Variants in GRID2 observed in about 807,000 individuals in gnomAD.
GRID2 encodes glutamate receptor ionotropic, delta-2.
A neutral mutation model predicts 114.8 loss-of-function variants in GRID2; 33 were observed. The observed-to-expected ratio is 0.29, with a 90% CI of 0.22 to 0.38. The LOEUF is 0.38. GRID2 is among the 10% of genes least tolerant of loss of function. GRID2 has a pLI of 1.00. For synonymous variants in GRID2, 505 were observed against 449.9 expected, an observed-to-expected ratio of 1.12 and a Z score of -1.55; for missense variants, 1,184 against 1,257.7, an observed-to-expected ratio of 0.94 and a Z score of 0.89.
chr4:93,583,661 A>G (rs1178278321), intron 13 of GRID2, among the ~76,000 whole-genome samples: 1 of 152,148 alleles, frequency 6.6e-6, no homozygotes, highest in African/African-American at 2.4e-5. Context: ...AGGAAGTGGC[A>G]GGGGTCAGAA....
chr4:92,671,920 A>G (rs932429047), intron 2 of GRID2, among the ~76,000 whole-genome samples: 2 of 152,114 alleles, frequency 1.3e-5, no homozygotes, highest in South Asian at 2.1e-4. Flanking sequence ...CTGTCAGACC[A>G]TATGGTTTCA....
At chr4:93,413,831 C>T (rs1051395248) in intron 9 of GRID2, among the ~76,000 whole-genome samples, 1 of 152,052 alleles carries the variant, frequency 6.6e-6, no homozygotes, top group African/African-American at 2.4e-5. Context: ...TAATGCTTTC[C>T]TCCATTAAAT....
At chr4:92,487,683 G>T (rs1487947461) in intron 1 of GRID2, among the ~76,000 whole-genome samples, 1 of 151,734 alleles carries the variant, frequency 6.6e-6, no homozygotes. Context: ...ATTTTCTCTT[G>T]GTCTTTCAGT....
At chr4:92,850,186 TTATAGA>T (rs1166347609) in intron 2 of GRID2, among the ~76,000 whole-genome samples, 1 of 151,372 alleles carries the variant, frequency 6.6e-6, no homozygotes, top group East Asian at 1.9e-4. Context: ...ATTGATATGT[TTATAGA>T]TAAATACAAT....
At chr4:93,473,435 A>G (rs553117004) in intron 11 of GRID2, among the ~76,000 whole-genome samples, 3 of 152,310 alleles carry the variant, frequency 2.0e-5, no homozygotes, top group African/African-American at 7.2e-5. Context: ...GTAATAGTCA[A>G]TTAAAATAAT....
intron 2 of GRID2, among the ~76,000 whole-genome samples, chr4:92,709,589 A>AATATATATATATATAT (rs1553919235): frequency 8.7e-6 from 1 of 114,660 alleles, no homozygotes; most frequent in African/African-American, 3.4e-5. Context: ...AAAAAAAAAA[A>AATATATATATATATAT]ATATATATAT....
chr4:93,671,777 T>C (rs956812476), intron 14 of GRID2, among the ~76,000 whole-genome samples: 1 of 151,938 alleles, frequency 6.6e-6, no homozygotes, highest in Non-Finnish European at 1.5e-5. Context: ...AAGACTGGCC[T>C]GACCAACATG....
chr4:93,369,045 G>A (rs918128329), intron 8 of GRID2, among the ~76,000 whole-genome samples: 24 of 152,074 alleles, frequency 1.6e-4, no homozygotes, highest in African/African-American at 4.8e-4. Context: ...TTAAATTATC[G>A]CAAACTGATT....
At chr4:92,870,295 T>TTC (rs978868748) in intron 2 of GRID2, among the ~76,000 whole-genome samples, 12 of 149,320 alleles carry the variant, frequency 8.0e-5, no homozygotes, top group South Asian at 2.1e-4. Flanking sequence ...CACACACACT[T>TTC]TCTCTCTCTC....
At position 93,296,699 on chromosome 4, in the gene GRID2, G is replaced by A. The variant is rs140554203; in HGVS notation, c.1245+58209G>A. ...TGTTTAACCAAACCACTTATGGTAG[G>A]TTAATTTGATTATTTTGCATTGAAA... On this transcript the variant is annotated intron_variant, in intron 8 of 15. Coordinates refer to ENST00000282020, the MANE Select transcript of GRID2 (RefSeq NM_001510.4). 3.6e-3 allele frequency among the ~76,000 whole-genome samples: 548 copies of A among 152,258 alleles called. 4 individuals are homozygous for A. The highest frequency in any genetic ancestry group is 0.013 in the African/African-American group (527 of 41,564).
chr4:92,475,167 T>G (rs1722242243), intron 1 of GRID2, among the ~76,000 whole-genome samples: 2 of 149,594 alleles, frequency 1.3e-5, no homozygotes. Flanking sequence ...AAGCTTTTTA[T>G]TTTGACTTAA....
chr4:92,664,212 T>C (rs1290176882), intron 2 of GRID2, among the ~76,000 whole-genome samples: 2 of 151,240 alleles, frequency 1.3e-5, no homozygotes, highest in Non-Finnish European at 3.0e-5. Context: ...TTGATTATTT[T>C]AAAATGTATC....
chr4:93,084,666 A>C (rs958710105), intron 2 of GRID2, among the ~76,000 whole-genome samples: 5 of 152,214 alleles, frequency 3.3e-5, no homozygotes, highest in Admixed American at 1.3e-4. Context: ...AATATCTATC[A>C]TGTGAGAGGC....
At chr4:93,694,064 G>GA (rs1329505176) in intron 14 of GRID2, among the ~76,000 whole-genome samples, 1 of 152,152 alleles carries the variant, frequency 6.6e-6, no homozygotes, top group Non-Finnish European at 1.5e-5. Flanking sequence ...TTTGTACCAT[G>GA]ACGGAAAAGA....
At chr4:93,407,968 T>C (rs1214701240) in intron 9 of GRID2, among the ~76,000 whole-genome samples, 1 of 152,132 alleles carries the variant, frequency 6.6e-6, no homozygotes, top group Admixed American at 6.6e-5. Flanking sequence ...ATGATTCTTA[T>C]GTAGAGTAAT....
intron 2 of GRID2, among the ~76,000 whole-genome samples, chr4:93,003,596 G>C (rs1361292849): frequency 6.6e-6 from 1 of 151,898 alleles, no homozygotes; most frequent in Non-Finnish European, 1.5e-5. Context: ...TCTTTGACTT[G>C]CTCTTCAATC....
chr4:92,903,882 A>C (rs139834199), intron 2 of GRID2, among the ~76,000 whole-genome samples: 1 of 152,078 alleles, frequency 6.6e-6, no homozygotes, highest in Non-Finnish European at 1.5e-5. Context: ...GGCAATAGGT[A>C]AGTAAACAAT....
At chr4:92,735,274 C>T (rs879502299) in intron 2 of GRID2, among the ~76,000 whole-genome samples, 2 of 151,952 alleles carry the variant, frequency 1.3e-5, no homozygotes, top group East Asian at 1.9e-4. Flanking sequence ...TGGATGCTAC[C>T]GAATCCTACA....
At chr4:93,207,597 C>G (rs1742960234) in intron 5 of GRID2, 140 bp downstream of exon 5, 1 of 597,260 alleles carries the variant, frequency 1.7e-6, no homozygotes. Context: ...TGCTGTTTAA[C>G]AAAGATAGAA....
Sources: allele counts gnomAD v4.1 joint callset (sites outside exome capture counted in the v4.1 genomes callset), GRCh38; gene constraint gnomAD v4.1.1; transcripts MANE v1.5; gene names NCBI Gene and HGNC (gene_info 2026-07-23, HGNC 2026-07-21).